TMEM79: variants seen among roughly 807,000 people sequenced by gnomAD.
TMEM79 encodes the protein transmembrane protein 79.
Under a neutral mutation model 31.2 loss-of-function variants are expected in TMEM79, and 30 were observed. That is an observed-to-expected ratio of 0.96 (90% CI 0.72 to 1.30). The LOEUF is 1.30. Ranked by LOEUF, TMEM79 falls within the 50% of genes most tolerant of loss-of-function variation. The probability of loss-of-function intolerance (pLI) is 0.00; values close to 1 mark genes in which losing one functional copy is unlikely to be tolerated. For missense variants in TMEM79, 509 were observed against 528.2 expected (o/e 0.96, Z 0.36); for synonymous variants, 213 against 229.5 (o/e 0.93, Z 0.65).
In TMEM79 at chr1:156,285,840, G is replaced by A; in HGVS notation, c.614G>A (p.Gly205Glu). ...TGGCTAAGGGCTGTGGCCTCCGTGG[G>A]AGCCGCACTCATTCTCTTCCCTTGC... ...REWLRAVASV[G>E]AALILFPCLL... is the part of the protein sequence containing the mutation. The change falls in exon 2 of 4, where the codon GGA becomes GAA. Residue 205 changes from glycine (G) to glutamate (E), a missense_variant. Coordinates refer to ENST00000405535, the MANE Select transcript of TMEM79 (RefSeq NM_032323.3). 3.1e-6 allele frequency: 5 copies of A among 1,613,644 alleles called. No individual in the cohort carries two copies. The highest frequency in any genetic ancestry group is 4.2e-6 in the Non-Finnish European group (5 of 1,180,028).
Position 156,291,534 on chromosome 1 carries a change from G to GT in TMEM79, c.1121_1122insT (p.Arg375ProfsTer41). 6.8e-6 allele frequency: 11 copies of GT among 1,610,298 alleles called. No individual in the cohort carries two copies. Among genetic ancestry groups the GT allele is most frequent in the Non-Finnish European group, 9.3e-6 (11 of 1,180,004 alleles). On this transcript the variant is annotated frameshift_variant, in exon 4 of 4. Coordinates refer to ENST00000405535, the MANE Select transcript of TMEM79 (RefSeq NM_032323.3). LOFTEE classifies it high-confidence loss of function. ...GAGCGCATGCTCACTGCCACCGAGA[G>GT]CCGCCTGGACTACCCGGACCACGCC...
intron 3 of TMEM79, among the ~76,000 whole-genome samples, chr1:156,288,501 AT>A (rs952203529): frequency 3.3e-5 from 5 of 151,290 alleles, no homozygotes; most frequent in African/African-American, 1.2e-4. Flanking sequence ...TGCCCAGCTA[AT>A]TTTTTTTGTA....
rs9331871 is a variant in TMEM79, at chr1:156,292,376, AGTGTGTGTGTGTGTGT to A, written c.*809_*824del. ...ATGGTGCGGTGGTTGATGTTAACCT[AGTGTGTGTGTGTGTGT>A]GTGTGTGTGTGTGTGTGTGTGTGTG... On this transcript the variant is annotated 3_prime_UTR_variant, in exon 4 of 4. Coordinates refer to ENST00000405535, the MANE Select transcript of TMEM79 (RefSeq NM_032323.3). 3,143 of 142,330 alleles carry A rather than the reference AGTGTGTGTGTGTGTGT, an allele frequency of 0.022. 104 individuals carry two copies. Among genetic ancestry groups the A allele is most frequent in the African/African-American group, 0.074 (2,794 of 37,820 alleles). 8.8% of individuals were successfully genotyped at this position (142,330 alleles called of 1,614,324 possible). A position where few individuals can be genotyped will look rare whatever the true frequency, so the allele number is the denominator to read the frequency against.
intron 3 of TMEM79, 79 bp from the exon 4 acceptor site, chr1:156,291,306 T>C (rs1572611126): frequency 1.5e-6 from 2 of 1,342,136 alleles, no homozygotes; most frequent in Non-Finnish European, 1.1e-6. Flanking sequence ...CCCTATCTAC[T>C]CCCCCCACCG....
At chr1:156,287,080 G>A (rs1034232270) in intron 3 of TMEM79, among the ~76,000 whole-genome samples, 1 of 152,006 alleles carries the variant, frequency 6.6e-6, no homozygotes, top group African/African-American at 2.4e-5. Context: ...ACAAGATCGT[G>A]TCACTGTACT....
chr1:156,286,658 G>A (rs911750722), intron 3 of TMEM79, among the ~76,000 whole-genome samples, 185 bp downstream of exon 3: 7 of 152,156 alleles, frequency 4.6e-5, no homozygotes, highest in Middle Eastern at 3.2e-3. Context: ...GATGGAAGCC[G>A]ATTTCAGAGA....
Position 156,291,510 on chromosome 1 carries a change from A to T in TMEM79, c.1097A>T (p.Glu366Val). ...TACTACATGTTCGTGGTGGAGCCGGAGCGCATGCTCACTGCCACCGAGAGC... is the reference window on the plus strand; with the variant it reads ...TACTACATGTTCGTGGTGGAGCCGGTGCGCATGCTCACTGCCACCGAGAGC... ...NLYYMFVVEPERMLTATESRL... is the reference protein window; with the variant it reads ...NLYYMFVVEPVRMLTATESRL... The change falls in exon 4 of 4, where the codon GAG becomes GTG. Residue 366 changes from glutamate (E) to valine (V), a missense_variant. Glu to Val is a moderately radical substitution (Grantham distance 121, BLOSUM62 -2). Coordinates refer to ENST00000405535, the MANE Select transcript of TMEM79 (RefSeq NM_032323.3). The T allele has an allele frequency of 1.2e-6, 2 of 1,609,806 alleles. No individual in the cohort carries two copies. Among genetic ancestry groups the T allele is most frequent in the Non-Finnish European group, 1.7e-6 (2 of 1,179,406 alleles).
chr1:156,286,641 G>A (rs902595999), intron 3 of TMEM79, among the ~76,000 whole-genome samples, 168 bp downstream of exon 3: 1 of 152,132 alleles, frequency 6.6e-6, no homozygotes, highest in African/African-American at 2.4e-5. Context: ...ACCTCAGCTG[G>A]TCAGCAGATG....
At chr1:156,286,235 T>C (rs368278418) in intron 2 of TMEM79, 25 bp from the exon 3 acceptor site, 2 of 1,611,234 alleles carry the variant, frequency 1.2e-6, no homozygotes, top group African/African-American at 2.7e-5. Flanking sequence ...TTTCTGACCC[T>C]ACCCTGTTTC....
intron 3 of TMEM79, among the ~76,000 whole-genome samples, chr1:156,288,146 C>T (rs192459645): frequency 2.5e-4 from 37 of 147,032 alleles, no homozygotes; most frequent in Admixed American, 4.1e-4. Context: ...ACCCGGGAGC[C>T]GAGATAGCGC....
intron 1 of TMEM79, 80 bp from the exon 2 acceptor site, chr1:156,285,104 G>A: frequency 7.8e-7 from 1 of 1,285,772 alleles, no homozygotes; most frequent in Admixed American, 3.0e-5. Context: ...CAGTTGCCCT[G>A]GAGAGTATGA....
rs1663121467 is a variant in TMEM79 at position 156,285,447 on chromosome 1, C to G, written c.221C>G (p.Ala74Gly). The G allele has an allele frequency of 6.2e-7, 1 of 1,613,636 alleles. No individual in the cohort carries two copies. Among genetic ancestry groups the G allele is most frequent in the Admixed American group, 1.7e-5 (1 of 60,000 alleles). Residue 74 changes from alanine to glycine, a missense_variant, in exon 2 of 4, where the codon GCC (alanine) becomes GGC (glycine). By Grantham distance (60) the Ala-to-Gly change is moderately conservative. Transcript: ENST00000405535. Reference sequence around the variant, plus strand: ...CTAGACAGCACAGTAAGTGAGGCTGCCACCTTGCCCTGGGGGACTGGCCCT... The same window carrying G: ...CTAGACAGCACAGTAAGTGAGGCTGGCACCTTGCCCTGGGGGACTGGCCCT... ...DGLDSTVSEA[A>G]TLPWGTGPQP...
chr1:156,285,954 G>A lies in TMEM79; in HGVS notation c.728G>A (p.Gly243Glu), dbSNP rs752313348. The A allele has an allele frequency of 1.9e-6, 3 of 1,610,556 alleles. No individual in the cohort carries two copies. Among genetic ancestry groups the A allele is most frequent in the Admixed American group, 1.7e-5 (1 of 59,774 alleles). The change falls in exon 2 of 4, where the codon GGG (glycine) becomes GAG (glutamate). Residue 243 changes from glycine (G) to glutamate (E), a missense_variant. Physicochemically the swap from Gly to Glu is moderately conservative, Grantham distance 98 (BLOSUM62 -2). Transcript: ENST00000405535. ...CGCCTGATCTACACACTGCGCTGCG[G>A]GGTCTTTGCCACCTTCCCCATTGTG... ...SSRLIYTLRC[G>E]VFATFPIVLG...
chr1:156,291,708 TG>T lies in TMEM79; in HGVS notation c.*112del. On this transcript the variant is annotated 3_prime_UTR_variant, in exon 4 of 4. Transcript: ENST00000405535. ...CCCCCAGGCCTAGGACCGCGGTGGG[TG>T]GAACCCTGCTACTGCCCCAACAGGG... is the stretch of plus-strand genomic sequence containing the variant. 1.1e-6 allele frequency: 1 copy of T among 927,610 alleles called. No homozygotes were observed. The highest frequency in any genetic ancestry group is 1.7e-6 in the Non-Finnish European group (1 of 590,950). 57.5% of individuals were successfully genotyped at this position (927,610 alleles called of 1,614,324 possible). A position where few individuals can be genotyped will look rare whatever the true frequency, so the allele number is the denominator to read the frequency against.
At position 156,285,377 on chromosome 1, in the gene TMEM79, T is replaced by C. The variant is rs1663119979; in HGVS notation, c.151T>C (p.Ser51Pro). The C allele has an allele frequency of 1.9e-6, 3 of 1,582,352 alleles. No homozygotes were observed. The highest frequency in any genetic ancestry group is 2.6e-6 in the Non-Finnish European group (3 of 1,163,670). Residue 51 changes from serine (S) to proline (P), a missense_variant, in exon 2 of 4, where the codon TCT becomes CCT. Ser to Pro is a moderately conservative substitution (Grantham distance 74). Coordinates refer to ENST00000405535, the MANE Select transcript of TMEM79 (RefSeq NM_032323.3). ...SPGAESLRVG[S>P]SAGSPTAIEG... ...GGGAGCTGAGTCCCTCAGAGTGGGG[T>C]CTTCAGCTGGATCTCCCACAGCCAT... is the stretch of plus-strand genomic sequence containing the variant.
Position 156,285,257 on chromosome 1 carries a change from G to T in TMEM79, c.31G>T (p.Glu11Ter). The change falls in exon 2 of 4, where the codon GAA becomes TAA. Residue 11 changes from glutamate (E) to a stop codon, truncating the protein, a stop_gained. Transcript: ENST00000405535. LOFTEE classifies it high-confidence loss of function. MTEQETLALL[E>*]VKRSDSPEKS... Reference sequence around the variant, plus strand: ...AGAACAGGAGACCCTGGCCCTACTGGAAGTGAAGAGGTCTGATTCCCCAGA... The same window carrying T: ...AGAACAGGAGACCCTGGCCCTACTGTAAGTGAAGAGGTCTGATTCCCCAGA... 6.4e-7 allele frequency: 1 copy of T among 1,553,234 alleles called. No homozygotes were observed. Among genetic ancestry groups the T allele is most frequent in the Middle Eastern group, 1.7e-4 (1 of 5,760 alleles).
rs192549454 is a variant in TMEM79, at chr1:156,284,960, G to C, written c.-43-224G>C. 1.5e-4 allele frequency among the ~76,000 whole-genome samples: 23 copies of C among 152,238 alleles called. No homozygotes were observed. The East Asian group carries it at 4.3e-3, about 28-fold the overall frequency. ...TGTGTCCCTTGACTCACCCTCTCCTGTTGGACGGCATTTGATGTCGAAAGG... is the reference window on the plus strand; with the variant it reads ...TGTGTCCCTTGACTCACCCTCTCCTCTTGGACGGCATTTGATGTCGAAAGG... On this transcript the variant is annotated intron_variant, in intron 1 of 3. Transcript: ENST00000405535.
rs752608151 is a variant in TMEM79, at chr1:156,285,509, C to T, written c.283C>T (p.Arg95Trp). 8.1e-6 allele frequency: 13 copies of T among 1,614,108 alleles called. No individual in the cohort carries two copies. The highest frequency in any genetic ancestry group is 4.4e-5 in the South Asian group (4 of 91,084). ...TCCGTTCCCGGATCCCCCTGGCTGG[C>T]GGGACATTGAACCAGAGCCCCCTGA... is the stretch of plus-strand genomic sequence containing the variant. ...SAPFPDPPGWRDIEPEPPESE... is the reference protein window; with the variant it reads ...SAPFPDPPGWWDIEPEPPESE... Residue 95 changes from arginine to tryptophan, a missense_variant, in exon 2 of 4, where the codon CGG becomes TGG. Arg to Trp is a moderately radical substitution (Grantham distance 101, BLOSUM62 -3). Coordinates refer to ENST00000405535, the MANE Select transcript of TMEM79 (RefSeq NM_032323.3).
Position 156,291,683 on chromosome 1 carries a change from C to A in TMEM79, c.*85C>A. 1.5e-6 allele frequency: 2 copies of A among 1,328,020 alleles called. No homozygotes were observed. Among genetic ancestry groups the A allele is most frequent in the Non-Finnish European group, 2.1e-6 (2 of 932,130 alleles). 82.3% of individuals were successfully genotyped at this position (1,328,020 alleles called of 1,614,324 possible). On this transcript the variant is annotated 3_prime_UTR_variant, in exon 4 of 4. Coordinates refer to ENST00000405535, the MANE Select transcript of TMEM79 (RefSeq NM_032323.3). The stretch of plus-strand genomic sequence containing the variant: ...ACCTTGTGGCCAGGCCTGGACTTCG[C>A]CCCCAGGCCTAGGACCGCGGTGGGT...
Sources: allele counts gnomAD v4.1 joint callset (sites outside exome capture counted in the v4.1 genomes callset), GRCh38; gene constraint gnomAD v4.1.1; transcripts MANE v1.5; gene names NCBI Gene and HGNC (gene_info 2026-07-23, HGNC 2026-07-21).